The following TARS2 variants were observed in gnomAD, a reference collection of about 807,000 sequenced individuals.
TARS2 encodes threonine--tRNA ligase, mitochondrial.
In TARS2, 61 loss-of-function variants were observed where a neutral mutation model predicts 94.4. The ratio of observed to expected loss-of-function variants is 0.65; its 90% CI spans 0.53 to 0.80. The LOEUF is 0.80. TARS2 is among the 30% of genes least tolerant of loss of function. The probability of loss-of-function intolerance (pLI) is 0.00; values close to 1 mark genes in which losing one functional copy is unlikely to be tolerated. For synonymous variants in TARS2, 359 were observed against 353.4 expected, an observed-to-expected ratio of 1.02 and a Z score of -0.18; for missense variants, 704 against 902.5, an observed-to-expected ratio of 0.78 and a Z score of 2.82.
rs1570829413 is a variant in TARS2, at chr1:150,488,274, A to C, written c.263+220A>C. ...AGTCTTGAACTCCTGGGCTCAAGCG[A>C]TCCTTCCATCTCAGCCTCCCGAAGT... On this transcript the variant is annotated intron_variant, in intron 2 of 17. Coordinates refer to ENST00000369064, the MANE Select transcript of TARS2 (RefSeq NM_025150.5). 4 of 491,666 alleles carry C rather than the reference A, an allele frequency of 8.1e-6. No individual in the cohort carries two copies. The East Asian group carries it at 1.3e-4, about 16-fold the overall frequency. The allele number at this position is 491,666 out of a possible 1,614,324, so 30.5% of individuals were successfully genotyped here.
Position 150,496,559 on chromosome 1 carries a change from A to G in TARS2, c.852A>G (p.Thr284=). The G allele has an allele frequency of 6.2e-7, 1 of 1,614,144 alleles. No homozygotes were observed. The highest frequency in any genetic ancestry group is 8.5e-7 in the Non-Finnish European group (1 of 1,180,040). Residue 284 remains threonine, a synonymous_variant, in exon 8 of 18, where the codon ACA becomes ACG. Coordinates refer to ENST00000369064, the MANE Select transcript of TARS2 (RefSeq NM_025150.5). The stretch of plus-strand genomic sequence containing the variant: ...TGTCAGGGATTTCCTTCCCCACAAC[A>G]GAATTGCTGAGGGTCTGGGAAGCAT... ...QRVSGISFPT[T]ELLRVWEAWR... is the part of the protein sequence containing the mutation.
chr1:150,495,546 C>G (rs587643306), intron 7 of TARS2, among the ~76,000 whole-genome samples: 78 of 149,980 alleles, frequency 5.2e-4, no homozygotes, highest in South Asian at 3.4e-3. Flanking sequence ...CAGGCACGTG[C>G]CACCACACCT....
chr1:150,504,816 C>T, intron 15 of TARS2, 83 bp downstream of exon 15: 1 of 1,605,364 alleles, frequency 6.2e-7, no homozygotes, highest in Non-Finnish European at 8.5e-7. Flanking sequence ...ATATGCCAGC[C>T]TCTTTCCTTC....
At chr1:150,503,331 G>T (rs1670004842) in intron 13 of TARS2, among the ~76,000 whole-genome samples, 1 of 152,122 alleles carries the variant, frequency 6.6e-6, no homozygotes, top group African/African-American at 2.4e-5. Flanking sequence ...GGTGGGAGGG[G>T]CCTGAGGATG....
intron 13 of TARS2, among the ~76,000 whole-genome samples, chr1:150,501,334 T>C (rs57967312): frequency 0.5 from 48,720 of 97,532 alleles, 12,662 homozygotes; most frequent in Non-Finnish European, 0.56. Flanking sequence ...TTTTTTTTTA[T>C]TGAGACTATG....
At position 150,504,361 on chromosome 1, in the gene TARS2, G is replaced by A. The variant is rs755842593; in HGVS notation, c.1644G>A (p.Leu548=). 6.2e-6 allele frequency: 10 copies of A among 1,613,984 alleles called. No homozygotes were observed. In the East Asian group the frequency reaches 8.9e-5, roughly 14 times the overall value. Residue 548 remains leucine (L), a synonymous_variant, in exon 14 of 18, where the codon CTG becomes CTA. Transcript: ENST00000369064. ...TTGACGTGCACCTCCACGATGCCCTGGGCCGGCCACATCAGTGTGGGACAA... is the reference window on the plus strand; with the variant it reads ...TTGACGTGCACCTCCACGATGCCCTAGGCCGGCCACATCAGTGTGGGACAA... ...PKIDVHLHDA[L]GRPHQCGTIQ...
chr1:150,495,432 T>G (rs891101872), intron 7 of TARS2, among the ~76,000 whole-genome samples: 1 of 151,656 alleles, frequency 6.6e-6, no homozygotes, highest in Non-Finnish European at 1.5e-5. Flanking sequence ...AGTCTTGCTC[T>G]GTTGCCCAGG....
chr1:150,490,800 T>G (rs1024006471), intron 4 of TARS2, 75 bp downstream of exon 4: 3 of 1,592,932 alleles, frequency 1.9e-6, no homozygotes, highest in Non-Finnish European at 2.6e-6. Flanking sequence ...TTGGGCATGC[T>G]CCATTTGGAT....
At position 150,496,579 on chromosome 1, in the gene TARS2, A is replaced by G; in HGVS notation, c.872A>G (p.Glu291Gly). The change falls in exon 8 of 18, where the codon GAA (glutamate) becomes GGA (glycine). Residue 291 changes from glutamate (E) to glycine (G), a missense_variant. Transcript: ENST00000369064. ...FPTTELLRVWEAWREEAELRD... is the reference protein window; with the variant it reads ...FPTTELLRVWGAWREEAELRD... Reference sequence around the variant, plus strand: ...ACAACAGAATTGCTGAGGGTCTGGGAAGCATGGAGGGAGGAAGCAGAATTG... The same window carrying G: ...ACAACAGAATTGCTGAGGGTCTGGGGAGCATGGAGGGAGGAAGCAGAATTG... 6 of 1,614,080 alleles carry G rather than the reference A, an allele frequency of 3.7e-6. No individual in the cohort carries two copies. The highest frequency in any genetic ancestry group is 5.1e-6 in the Non-Finnish European group (6 of 1,180,008).
At chr1:150,493,977 G>A (rs587710277) in intron 7 of TARS2, among the ~76,000 whole-genome samples, 3 of 151,740 alleles carry the variant, frequency 2.0e-5, no homozygotes, top group South Asian at 4.2e-4. Context: ...ACCCCATGGC[G>A]CGGTGGCCTT....
chr1:150,490,516 A>G, intron 3 of TARS2, 85 bp from the exon 4 acceptor site: 2 of 1,513,120 alleles, frequency 1.3e-6, no homozygotes, highest in Non-Finnish European at 1.8e-6. Context: ...CGGCTTTCCT[A>G]CCAGCTTTTG....
rs9436124 is a variant in TARS2, at chr1:150,503,603, A to G, written c.1618-732A>G. Among the ~76,000 whole-genome samples the G allele has an allele frequency of 7.1e-3, 575 of 81,224 alleles. 5 individuals are homozygous for G. Among genetic ancestry groups the G allele is most frequent in the African/African-American group, 0.027 (436 of 16,162 alleles). The allele number at this position is 81,224 out of a possible 152,430, so 53.3% of individuals were successfully genotyped here. On this transcript the variant is annotated intron_variant, in intron 13 of 17. Coordinates refer to ENST00000369064, the MANE Select transcript of TARS2 (RefSeq NM_025150.5). ...TATATATATGTGTGTGTGTGTGTGTATGTGTGTATATATATGTGTGTGTAT... is the reference window on the plus strand; with the variant it reads ...TATATATATGTGTGTGTGTGTGTGTGTGTGTGTATATATATGTGTGTGTAT...
In TARS2 at chr1:150,499,178, A is replaced by G. The variant is rs776894049; in HGVS notation, c.1540-38A>G. The G allele has an allele frequency of 5.2e-5, 84 of 1,612,788 alleles. No homozygotes were observed. In the Admixed American group the frequency reaches 1.3e-3, roughly 26 times the overall value. Reference sequence around the variant, plus strand: ...ACCGGATGTGTTGCTTTTGAAGTCTAAGATGATGTATTCCACTCTTGTCTC... The same window carrying G: ...ACCGGATGTGTTGCTTTTGAAGTCTGAGATGATGTATTCCACTCTTGTCTC... On this transcript the variant is annotated intron_variant, in intron 12 of 17. Transcript: ENST00000369064.
intron 3 of TARS2, among the ~76,000 whole-genome samples, chr1:150,489,658 T>C (rs1362686935): frequency 4.6e-5 from 7 of 152,172 alleles, no homozygotes; most frequent in African/African-American, 1.7e-4. Flanking sequence ...TAGCTTATTC[T>C]GGCCAGGCAC....
chr1:150,491,820 A>C, intron 6 of TARS2, 158 bp downstream of exon 6: 2 of 753,938 alleles, frequency 2.7e-6, no homozygotes, highest in South Asian at 1.8e-5. Flanking sequence ...TTTGAGACGG[A>C]GTCTTGGTCT....
At chr1:150,490,874 C>CTAG in intron 4 of TARS2, 149 bp downstream of exon 4, 1 of 1,200,548 alleles carries the variant, frequency 8.3e-7, no homozygotes, top group Non-Finnish European at 1.2e-6. Context: ...TCCTTCTGTG[C>CTAG]TAGTCCATGT....
At chr1:150,505,001 G>C (rs1445890233) in intron 16 of TARS2, 23 bp downstream of exon 16, 1 of 1,613,470 alleles carries the variant, frequency 6.2e-7, no homozygotes, top group South Asian at 1.1e-5. Flanking sequence ...GGTAAGGGAG[G>C]GGGCAGAAGC....
At chr1:150,490,990 G>A (rs1419927040) in intron 4 of TARS2, among the ~76,000 whole-genome samples, 1 of 151,850 alleles carries the variant, frequency 6.6e-6, no homozygotes, top group Non-Finnish European at 1.5e-5. Flanking sequence ...GGGAGGTTGA[G>A]GCTGTGGTGA....
At chr1:150,495,634 TCCAC>T (rs150517812) in intron 7 of TARS2, among the ~76,000 whole-genome samples, 44,686 of 151,238 alleles carry the variant, frequency 0.3, 8,006 homozygotes, top group Non-Finnish European at 0.4. Flanking sequence ...GACCTTGTGA[TCCAC>T]CCACCTCAGC....
Sources: gnomAD v4.1 joint callset for allele counts (sites outside exome capture counted in the v4.1 genomes callset) on GRCh38, gnomAD v4.1.1 for gene constraint, MANE v1.5 for transcripts, NCBI Gene and HGNC (gene_info 2026-07-23, HGNC 2026-07-21) for gene names.